The following DAB1 variants were observed in gnomAD, a reference collection of about 807,000 sequenced individuals.
DAB1 encodes disabled homolog 1.
In DAB1, 15 loss-of-function variants were observed where a neutral mutation model predicts 64.6. The ratio of observed to expected loss-of-function variants is 0.23; its 90% confidence interval spans 0.16 to 0.36. The LOEUF (loss-of-function observed/expected upper bound fraction) is 0.36. Ranked by LOEUF, DAB1 falls within the 10% of genes least tolerant of loss-of-function variation. DAB1 has a pLI of 1.00. For synonymous variants in DAB1, 235 were observed against 251.9 expected, an observed-to-expected ratio of 0.93 and a Z score of 0.64; for missense variants, 596 against 706.7, an observed-to-expected ratio of 0.84 and a Z score of 1.78.
At chr1:58,134,453 C>T (rs959072820) in intron 5 of DAB1, among the ~76,000 whole-genome samples, 1 of 151,912 alleles carries the variant, frequency 6.6e-6, no homozygotes, top group Non-Finnish European at 1.5e-5. Flanking sequence ...TTCCAACATA[C>T]AAATTGTATT....
intron 7 of DAB1, among the ~76,000 whole-genome samples, chr1:57,616,687 C>T (rs1645794095): frequency 6.6e-6 from 1 of 152,070 alleles, no homozygotes; most frequent in Admixed American, 6.6e-5. Flanking sequence ...GCTAAGACCC[C>T]CTTTAGGCAA....
At chr1:57,140,047 T>C (rs1195074549) in intron 3 of DAB1, among the ~76,000 whole-genome samples, 1 of 152,142 alleles carries the variant, frequency 6.6e-6, no homozygotes, top group Non-Finnish European at 1.5e-5. Flanking sequence ...CACAAGACAG[T>C]GCCTTCAGGA....
chr1:58,422,347 T>C (rs552091203), intron 3 of DAB1, among the ~76,000 whole-genome samples: 2 of 152,030 alleles, frequency 1.3e-5, no homozygotes, highest in African/African-American at 4.8e-5. Flanking sequence ...AACATCCAGC[T>C]GCGGGCAAAA....
intron 6 of DAB1, among the ~76,000 whole-genome samples, chr1:57,820,144 GC>G (rs1454470652): frequency 1.3e-5 from 2 of 152,174 alleles, no homozygotes; most frequent in Non-Finnish European, 2.9e-5. Flanking sequence ...AGTTAAAAGA[GC>G]AGAAACCAGC....
chr1:57,597,285 C>T (rs570484906), intron 7 of DAB1, among the ~76,000 whole-genome samples: 1 of 152,188 alleles, frequency 6.6e-6, no homozygotes, highest in Non-Finnish European at 1.5e-5. Flanking sequence ...AATCAACATG[C>T]CCTTCTTTCT....
chr1:57,365,418 A>G (rs1238640997), intron 1 of DAB1, among the ~76,000 whole-genome samples: 1 of 146,752 alleles, frequency 6.8e-6, no homozygotes, highest in Non-Finnish European at 1.5e-5. Flanking sequence ...GAATATATAT[A>G]TTCTGTACTT....
chr1:57,048,043 T>C (rs1392820372), intron 9 of DAB1, among the ~76,000 whole-genome samples: 3 of 152,228 alleles, frequency 2.0e-5, no homozygotes, highest in East Asian at 3.8e-4. Context: ...CTTATGTGCA[T>C]TACTTTATTC....
At chr1:58,468,390 T>C (rs1411431289) in intron 3 of DAB1, 1 of 152,284 alleles carries the variant, frequency 6.6e-6, no homozygotes, top group East Asian at 1.9e-4. Context: ...TGTATGTTGA[T>C]GCCTATATCT....
At chr1:57,843,355 ATTC>A (rs1653138385) in intron 1 of DAB1, among the ~76,000 whole-genome samples, 1 of 152,140 alleles carries the variant, frequency 6.6e-6, no homozygotes, top group Non-Finnish European at 1.5e-5. Context: ...TCAAGTTTGA[ATTC>A]TTCTTTGGTT....
chr1:57,023,744 A>T, intron 10 of DAB1, 105 bp from the exon 11 acceptor site: 1 of 722,714 alleles, frequency 1.4e-6, no homozygotes, highest in Non-Finnish European at 2.5e-6. Context: ...AGGGGTCCAC[A>T]GTTCAAGCCA....
chr1:57,978,504 C>T (rs574835370), intron 5 of DAB1, among the ~76,000 whole-genome samples: 6 of 152,074 alleles, frequency 3.9e-5, no homozygotes, highest in South Asian at 4.2e-4. Flanking sequence ...ACACAGGCAC[C>T]GGAAAAGACT....
At chr1:58,174,018 A>C (rs967471154) in intron 4 of DAB1, among the ~76,000 whole-genome samples, 2 of 152,234 alleles carry the variant, frequency 1.3e-5, no homozygotes, top group East Asian at 3.9e-4. Context: ...GCAAGAAATA[A>C]CAAAACCTAT....
At chr1:57,132,379 G>T (rs1356430953) in intron 4 of DAB1, among the ~76,000 whole-genome samples, 12 of 152,174 alleles carry the variant, frequency 7.9e-5, no homozygotes, top group Non-Finnish European at 5.9e-5. Flanking sequence ...TGAACTATGA[G>T]CATCTCAGGG....
intron 4 of DAB1, among the ~76,000 whole-genome samples, chr1:58,255,333 A>T (rs1305831109): frequency 6.6e-6 from 1 of 152,182 alleles, no homozygotes; most frequent in East Asian, 1.9e-4. Flanking sequence ...AGGCAAAGAC[A>T]GAGGCGTTTG....
chr1:57,739,502 A>G (rs1046770760), intron 6 of DAB1, among the ~76,000 whole-genome samples: 11 of 88,624 alleles, frequency 1.2e-4, no homozygotes, highest in African/African-American at 4.3e-4. Context: ...GCTGGAGTGC[A>G]ATGATGCAAT....
At chr1:57,295,442 T>C (rs1673116026) in intron 1 of DAB1, among the ~76,000 whole-genome samples, 1 of 152,182 alleles carries the variant, frequency 6.6e-6, no homozygotes, top group Non-Finnish European at 1.5e-5. Context: ...TTCGATATCT[T>C]AGACTTAGCT....
At chr1:57,279,200 T>A (rs922152472) in intron 2 of DAB1, among the ~76,000 whole-genome samples, 2 of 152,178 alleles carry the variant, frequency 1.3e-5, no homozygotes, top group Non-Finnish European at 2.9e-5. Flanking sequence ...AGCTCCAGGA[T>A]CTCCATAGAT....
chr1:57,801,169 A>C (rs1001863776), intron 6 of DAB1, among the ~76,000 whole-genome samples: 1 of 152,332 alleles, frequency 6.6e-6, no homozygotes, highest in Admixed American at 6.5e-5. Context: ...TTAATTTATA[A>C]GAAAGAGCCA....
intron 4 of DAB1, among the ~76,000 whole-genome samples, chr1:57,116,480 A>AAAAAAAAAAAAG (rs1553144211): frequency 4.6e-5 from 6 of 131,220 alleles, no homozygotes; most frequent in South Asian, 2.8e-4. Flanking sequence ...AAAAAAAAAA[A>AAAAAAAAAAAAG]AAAGAAAGAA....
Sources: gnomAD v4.1 joint callset for allele counts (sites outside exome capture counted in the v4.1 genomes callset) on GRCh38, gnomAD v4.1.1 for gene constraint, MANE v1.5 for transcripts, NCBI Gene and HGNC (gene_info 2026-07-23, HGNC 2026-07-21) for gene names.